The following FANCC variants were observed in gnomAD, a reference collection of about 807,000 sequenced individuals.
The protein encoded by FANCC is Fanconi anemia group C protein.
In FANCC, 55 loss-of-function variants were observed where a neutral mutation model predicts 71.3. The ratio of observed to expected loss-of-function variants is 0.77; its 90% CI spans 0.62 to 0.97. The LOEUF (loss-of-function observed/expected upper bound fraction) is 0.97. Among genes scored for constraint, FANCC ranks in the 50% least tolerant of loss-of-function variants. The pLI, the probability that FANCC is intolerant of heterozygous loss-of-function variation, is 0.00. For missense variants in FANCC, 678 were observed against 670.9 expected, an observed-to-expected ratio of 1.01 and a Z score of -0.12; for synonymous variants, 275 against 244.9, an observed-to-expected ratio of 1.12 and a Z score of -1.15.
At chr9:95,109,787 TG>T (rs1221824419) in intron 13 of FANCC, 3 of 152,284 alleles carry the variant, frequency 2.0e-5, no homozygotes, top group Admixed American at 6.5e-5. Flanking sequence ...GCAGAGATAC[TG>T]CTAATTTCAA....
chr9:95,116,582 C>T (rs1181605394), intron 11 of FANCC, among the ~76,000 whole-genome samples: 1 of 152,230 alleles, frequency 6.6e-6, no homozygotes, highest in African/African-American at 2.4e-5. Flanking sequence ...TCCCATGCTC[C>T]AATAAGGCCC....
At chr9:95,204,506 G>T (rs1827997707) in intron 4 of FANCC, among the ~76,000 whole-genome samples, 1 of 152,198 alleles carries the variant, frequency 6.6e-6, no homozygotes, top group South Asian at 2.1e-4. Flanking sequence ...CACAATTTTT[G>T]TGTGTAGGCG....
intron 1 of FANCC, among the ~76,000 whole-genome samples, chr9:95,303,944 A>G (rs1460917503): frequency 1.3e-5 from 2 of 152,234 alleles, no homozygotes; most frequent in Non-Finnish European, 2.9e-5. Flanking sequence ...GAGTTTCCAG[A>G]TTGAAAGGGC....
At chr9:95,273,548 T>C (rs1832857858) in intron 1 of FANCC, among the ~76,000 whole-genome samples, 1 of 152,254 alleles carries the variant, frequency 6.6e-6, no homozygotes. Flanking sequence ...TCCACATTTC[T>C]GCTCCGTTCA....
At chr9:95,111,694 T>C in intron 12 of FANCC, 57 bp from the exon 13 acceptor site, 1 of 1,606,386 alleles carries the variant, frequency 6.2e-7, no homozygotes, top group Non-Finnish European at 8.5e-7. Flanking sequence ...TTCCTTTGGG[T>C]TTTTAAAGCA....
intron 14 of FANCC, 30 bp from the exon 15 acceptor site, chr9:95,101,880 T>C: frequency 6.2e-7 from 1 of 1,613,122 alleles, no homozygotes; most frequent in Non-Finnish European, 8.5e-7. Flanking sequence ...GAAGGCAAAT[T>C]AAAACACTTT....
chr9:95,229,721 G>A (rs568631277), intron 4 of FANCC, among the ~76,000 whole-genome samples: 75 of 152,070 alleles, frequency 4.9e-4, no homozygotes, highest in African/African-American at 1.7e-3. Flanking sequence ...GGAAAGGTTC[G>A]ACCTGGAGAT....
intron 6 of FANCC, among the ~76,000 whole-genome samples, chr9:95,160,426 T>C (rs1588201938): frequency 6.6e-6 from 1 of 151,250 alleles, no homozygotes; most frequent in Non-Finnish European, 1.5e-5. Flanking sequence ...TTTTGGTTAC[T>C]ACAGACTTGT....
At chr9:95,134,730 C>T (rs1262962192) in intron 8 of FANCC, among the ~76,000 whole-genome samples, 1 of 152,182 alleles carries the variant, frequency 6.6e-6, no homozygotes, top group Non-Finnish European at 1.5e-5. Flanking sequence ...TCAGTGGTGG[C>T]GAGGGCCACT....
intron 13 of FANCC, chr9:95,111,141 G>A (rs907668002): frequency 2.6e-6 from 4 of 1,534,348 alleles, no homozygotes; most frequent in Non-Finnish European, 1.7e-6. Flanking sequence ...CCTCTGCAGG[G>A]CACGCCTTGG....
chr9:95,259,292 ATAC>A (rs1402217560), intron 1 of FANCC, among the ~76,000 whole-genome samples: 1 of 152,178 alleles, frequency 6.6e-6, no homozygotes, highest in African/African-American at 2.4e-5. Flanking sequence ...TTCAAATTAT[ATAC>A]TACAAGGCTA....
At chr9:95,153,498 T>C (rs1055295364) in intron 6 of FANCC, among the ~76,000 whole-genome samples, 2 of 152,202 alleles carry the variant, frequency 1.3e-5, no homozygotes, top group African/African-American at 2.4e-5. Context: ...CCCACATCCA[T>C]GCCAACATCT....
intron 6 of FANCC, among the ~76,000 whole-genome samples, chr9:95,163,958 T>C (rs1330791415): frequency 6.6e-6 from 1 of 152,256 alleles, no homozygotes; most frequent in Non-Finnish European, 1.5e-5. Flanking sequence ...TAGCAATGTA[T>C]AGCTTTCACT....
chr9:95,110,230 G>GTGTT (rs2071804718), intron 13 of FANCC: 2 of 999,430 alleles, frequency 2.0e-6, no homozygotes, highest in East Asian at 7.2e-5. Context: ...TAGAAATTAA[G>GTGTT]TGTTATTGAA....
At chr9:95,171,224 A>G (rs1825659249) in intron 5 of FANCC, 81 bp from the exon 6 acceptor site, 1 of 1,085,810 alleles carries the variant, frequency 9.2e-7, no homozygotes, top group East Asian at 2.4e-5. Context: ...TGTGAGTGAT[A>G]TTTCCGTTGA....
At chr9:95,251,129 T>C (rs1375694806) in intron 1 of FANCC, among the ~76,000 whole-genome samples, 1 of 152,214 alleles carries the variant, frequency 6.6e-6, no homozygotes, top group African/African-American at 2.4e-5. Context: ...ATTCGTTCAC[T>C]TAGTTACCGC....
intron 1 of FANCC, among the ~76,000 whole-genome samples, chr9:95,253,178 A>G (rs1259577123): frequency 6.6e-6 from 1 of 152,162 alleles, no homozygotes; most frequent in Non-Finnish European, 1.5e-5. Flanking sequence ...GCTGCTCCAC[A>G]ACCTCTGGGG....
rs730881714 is a variant in FANCC, at chr9:95,149,959, G to A, written c.650C>T (p.Pro217Leu). 4 of 1,611,328 alleles carry A rather than the reference G, an allele frequency of 2.5e-6. No individual in the cohort carries two copies. The highest frequency in any genetic ancestry group is 2.5e-6 in the Non-Finnish European group (3 of 1,178,928). The part of the protein sequence containing the change: ...HGREPQEILQ[P>L]EFFEAVNEAI... ...CTCGTTTACAGCCTCAAAGAACTCT[G>A]GCTGGAGGATTTCCTGAGGTTCACG... The change falls in exon 7 of 15, where the codon CCA becomes CTA. Residue 217 changes from proline to leucine, a missense_variant. Physicochemically the swap from Pro to Leu is moderately conservative, Grantham distance 98. Coordinates refer to ENST00000289081, the MANE Select transcript of FANCC (RefSeq NM_000136.3).
intron 3 of FANCC, among the ~76,000 whole-genome samples, chr9:95,246,440 C>G (rs1299354484): frequency 6.6e-6 from 1 of 152,150 alleles, no homozygotes; most frequent in Non-Finnish European, 1.5e-5. Flanking sequence ...GGGGAATATT[C>G]ATTTTATTTT....
Sources: gnomAD v4.1 joint callset for allele counts (sites outside exome capture counted in the v4.1 genomes callset) on GRCh38, gnomAD v4.1.1 for gene constraint, MANE v1.5 for transcripts, NCBI Gene and HGNC (gene_info 2026-07-23, HGNC 2026-07-21) for gene names.